Variants in LIPE observed in about 807,000 individuals in gnomAD.
LIPE encodes the protein hormone-sensitive lipase.
In LIPE, 66 loss-of-function variants were observed where a neutral mutation model predicts 88.5. That is an observed-to-expected ratio of 0.75 (90% confidence interval 0.61 to 0.91). The LOEUF (loss-of-function observed/expected upper bound fraction) is 0.91. Ranked by LOEUF, LIPE falls within the 40% of genes least tolerant of loss-of-function variation. The probability of loss-of-function intolerance (pLI) is 0.00; values close to 1 mark genes in which losing one functional copy is unlikely to be tolerated. For missense variants in LIPE, 1,346 were observed against 1,434.7 expected (o/e 0.94, Z 1.00); for synonymous variants, 570 against 617.5 (o/e 0.92, Z 1.14).
At chr19:42,424,151 G>A (rs2147675242) in intron 1 of LIPE, 3 of 1,186,252 alleles carry the variant, frequency 2.5e-6, no homozygotes, top group South Asian at 1.5e-5. Context: ...GCTTTTCCTG[G>A]GGGATCTTTC....
At chr19:42,405,972 TCTCTCACACACACACACACACACA>T (rs2040160885) in intron 7 of LIPE, 165 bp downstream of exon 7, 2 of 563,274 alleles carry the variant, frequency 3.6e-6, no homozygotes, top group Non-Finnish European at 6.1e-6. Context: ...TCTCTCTCTC[TCTCTCACACACACACACACACACA>T]CACACACACA....
chr19:42,411,018 C>T (rs903810469), intron 1 of LIPE, among the ~76,000 whole-genome samples, 176 bp from the exon 2 acceptor site: 1 of 152,192 alleles, frequency 6.6e-6, no homozygotes, highest in African/African-American at 2.4e-5. Flanking sequence ...AGAGGTCACC[C>T]TCTTGTCTCT....
At chr19:42,422,689 G>A (rs2040622234) in intron 1 of LIPE, among the ~76,000 whole-genome samples, 1 of 152,164 alleles carries the variant, frequency 6.6e-6, no homozygotes, top group Admixed American at 6.5e-5. Context: ...ATTTCTGTTG[G>A]TCTGTCAGCC....
At chr19:42,423,938 A>T in intron 1 of LIPE, 1 of 1,163,240 alleles carries the variant, frequency 8.6e-7, no homozygotes, top group Non-Finnish European at 1.1e-6. Context: ...CCAGGGAGGG[A>T]TGCCCTAGCA....
intron 1 of LIPE, among the ~76,000 whole-genome samples, chr19:42,416,836 T>A (rs1172092405): frequency 2.0e-5 from 3 of 152,262 alleles, no homozygotes; most frequent in Non-Finnish European, 4.4e-5. Flanking sequence ...TAGATTAATG[T>A]GTTTTCATGC....
chr19:42,402,745 CT>C lies in LIPE; in HGVS notation c.2828del (p.Glu943GlyfsTer22), dbSNP rs778598818. On this transcript the variant is annotated frameshift_variant, in exon 9 of 10. Coordinates refer to ENST00000244289, the MANE Select transcript of LIPE (RefSeq NM_005357.4). LOFTEE classifies it high-confidence loss of function. The part of the protein sequence containing the change: ...RGLGVRAAFP[E>X]GFHPRRSSQG... ...GGCTGGAGCGTCGGGGGTGGAAACC[CT>C]CGGGGAAGGCGGCACGGACGCCCAG... 1 of 1,573,700 alleles carries C rather than the reference CT, an allele frequency of 6.4e-7. No homozygotes were observed. The highest frequency in any genetic ancestry group is 8.7e-7 in the Non-Finnish European group (1 of 1,154,098).
In LIPE at chr19:42,410,748, AC is replaced by A; in HGVS notation, c.977del (p.Gly326ValfsTer51). 1 of 1,613,424 alleles carries A rather than the reference AC, an allele frequency of 6.2e-7. No homozygotes were observed. The highest frequency in any genetic ancestry group is 8.5e-7 in the Non-Finnish European group (1 of 1,179,522). On this transcript the variant is annotated frameshift_variant, in exon 2 of 10. Coordinates refer to ENST00000244289, the MANE Select transcript of LIPE (RefSeq NM_005357.4). LOFTEE classifies it high-confidence loss of function. This position sits in a 1 kb window ranked among gnomAD's most constrained non-coding sequence, Gnocchi z 6.1. ...ACAGCCGCTGGGCCGTTTCCCCAGGACCCTGGCTCGAGAAGAAGGCTATGTT... is the reference window on the plus strand; with the variant it reads ...ACAGCCGCTGGGCCGTTTCCCCAGGACCTGGCTCGAGAAGAAGGCTATGTT... ...EDNIAFFSSQ[G>X]PGETAQRLSG... is the part of the protein sequence containing the mutation.
In LIPE at chr19:42,408,009, G is replaced by A; in HGVS notation, c.1623C>T (p.Ala541=). 6.2e-7 allele frequency: 1 copy of A among 1,613,646 alleles called. No individual in the cohort carries two copies. The highest frequency in any genetic ancestry group is 8.5e-7 in the Non-Finnish European group (1 of 1,179,842). The change falls in exon 4 of 10, where the codon GCC becomes GCT. Residue 541 remains alanine, a synonymous_variant. Coordinates refer to ENST00000244289, the MANE Select transcript of LIPE (RefSeq NM_005357.4). This position sits in a 1 kb window ranked among gnomAD's most constrained non-coding sequence, Gnocchi z 4.3. ...CTTCCATCTCGGTGATGTTCCAGAA[G>A]GCTTTCCAGAAGTGCACGTCCAGGT... ...TQNLDVHFWK[A]FWNITEMEVL...
Position 42,421,507 on chromosome 19 carries a change from T to C in LIPE, c.883+4760A>G, listed in dbSNP as rs1049808614. 3.3e-5 allele frequency among the ~76,000 whole-genome samples: 5 copies of C among 152,360 alleles called. No homozygotes were observed. In the Middle Eastern group the frequency reaches 0.014, roughly 415 times the overall value. On this transcript the variant is annotated intron_variant, in intron 1 of 9. Coordinates refer to ENST00000244289, the MANE Select transcript of LIPE (RefSeq NM_005357.4). ...TGTGTCCCCAGCTCAACTGTGAATC[T>C]GTCAGCCCAGGCCTGGCACAGCTCA...
At chr19:42,409,400 CAAAAAAAAAAAA>C (rs760628566) in intron 2 of LIPE, among the ~76,000 whole-genome samples, 1 of 72,924 alleles carries the variant, frequency 1.4e-5, no homozygotes, top group Non-Finnish European at 2.9e-5. Flanking sequence ...AAACAAAATA[CAAAAAAAAAAAA>C]AAAAAAAAAT....
Position 42,408,565 on chromosome 19 carries a change from G to T in LIPE, c.1420-243C>A. On this transcript the variant is annotated intron_variant, in intron 2 of 9. Transcript: ENST00000244289. The surrounding 1 kb of genome is among the most constrained non-coding windows in gnomAD (Gnocchi z 4.3). ...ATGACAAGGAATGACGAATGGTTTG[G>T]AAAAAAAAAAAGGCAGTAGGTGGAG... is the stretch of plus-strand genomic sequence containing the variant. The T allele has an allele frequency of 1.0e-5, 4 of 398,798 alleles. No individual in the cohort carries two copies. Among genetic ancestry groups the T allele is most frequent in the South Asian group, 3.0e-5 (1 of 33,468 alleles). The allele number at this position is 398,798 out of a possible 1,614,324, so 24.7% of individuals were successfully genotyped here. A position where few individuals can be genotyped will look rare whatever the true frequency, so the allele number is the denominator to read the frequency against.
intron 7 of LIPE, 165 bp downstream of exon 7, chr19:42,405,976 TCACACACACACACACACACA>T (rs57282318): frequency 5.0e-5 from 21 of 418,678 alleles, no homozygotes; most frequent in South Asian, 1.1e-4. Context: ...TCTCTCTCTC[TCACACACACACACACACACA>T]CACACACACA....
intron 1 of LIPE, chr19:42,424,549 T>C (rs550312098): frequency 8.8e-6 from 4 of 456,358 alleles, no homozygotes; most frequent in African/African-American, 8.0e-5. Flanking sequence ...GCCGCCCCTC[T>C]TCCTTCCCTC....
chr19:42,410,890 G>A lies in LIPE; in HGVS notation c.884-48C>T. 2 of 1,495,556 alleles carry A rather than the reference G, an allele frequency of 1.3e-6. No individual in the cohort carries two copies. The highest frequency in any genetic ancestry group is 1.8e-6 in the Non-Finnish European group (2 of 1,121,922). 92.6% of individuals were successfully genotyped at this position (1,495,556 alleles called of 1,614,324 possible). On this transcript the variant is annotated intron_variant, in intron 1 of 9. Coordinates refer to ENST00000244289, the MANE Select transcript of LIPE (RefSeq NM_005357.4). This position sits in a 1 kb window ranked among gnomAD's most constrained non-coding sequence, Gnocchi z 6.1. ...GTTAGGTGGGGCTGGATCAAGCCTT[G>A]CTTAGCTGGGGCCCAGGAGTCTGGG...
chr19:42,403,455 T>TC (rs2040064740), intron 8 of LIPE, among the ~76,000 whole-genome samples: 1 of 151,368 alleles, frequency 6.6e-6, no homozygotes, highest in African/African-American at 2.4e-5. Flanking sequence ...GTTTTTTGTT[T>TC]TTTTTTTTTT....
chr19:42,405,834 C>G, intron 7 of LIPE: 1 of 544,958 alleles, frequency 1.8e-6, no homozygotes, highest in Non-Finnish European at 3.3e-6. Context: ...GTGGTGCACG[C>G]CTGTAGTTCC....
intron 1 of LIPE, chr19:42,411,218 T>C (rs557324376): frequency 1.3e-6 from 1 of 775,154 alleles, no homozygotes; most frequent in Admixed American, 6.3e-5. Flanking sequence ...GCCTCCTGAA[T>C]CCGGACATTC....
rs1020067372 is a variant in LIPE, at chr19:42,402,067, C to T, written c.2976G>A (p.Ala992=). The T allele has an allele frequency of 5.4e-6, 8 of 1,489,596 alleles. No individual in the cohort carries two copies. The highest frequency in any genetic ancestry group is 7.2e-6 in the Non-Finnish European group (8 of 1,117,182). The allele number at this position is 1,489,596 out of a possible 1,614,324, so 92.3% of individuals were successfully genotyped here. ...SLPPVHIVAC[A]LDPMLDDSVM... ...CCGAGTCGTCCAGCATGGGGTCCAG[C>T]GCGCACGCCTACGGGACAGCGGGGA... Residue 992 remains alanine (A), a synonymous_variant, in exon 10 of 10, where the codon GCG becomes GCA. Coordinates refer to ENST00000244289, the MANE Select transcript of LIPE (RefSeq NM_005357.4).
Position 42,401,856 on chromosome 19 carries a change from T to C in LIPE, c.3187A>G (p.Thr1063Ala). 2 of 1,390,678 alleles carry C rather than the reference T, an allele frequency of 1.4e-6. No homozygotes were observed. The allele number at this position is 1,390,678 out of a possible 1,614,324, so 86.1% of individuals were successfully genotyped here. A position where few individuals can be genotyped will look rare whatever the true frequency, so the allele number is the denominator to read the frequency against. Residue 1063 changes from threonine (T) to alanine (A), a missense_variant, in exon 10 of 10, where the codon ACG becomes GCG. Coordinates refer to ENST00000244289, the MANE Select transcript of LIPE (RefSeq NM_005357.4). ...PPAGAGPSGE[T>A]GAAGVDGGCG... is the part of the protein sequence containing the mutation. ...CCCCCGTCTACCCCCGCAGCCCCCG[T>C]CTCCCCGCTCGGCCCGGCTCCGGCG...
Sources: allele counts gnomAD v4.1 joint callset (sites outside exome capture counted in the v4.1 genomes callset), GRCh38; gene constraint gnomAD v4.1.1; non-coding constraint Gnocchi (gnomAD v3.1); transcripts MANE v1.5; gene names NCBI Gene and HGNC (gene_info 2026-07-23, HGNC 2026-07-21).